Variants in CNTN5 observed in about 807,000 individuals in gnomAD.
CNTN5 encodes the protein contactin-5.
Under a neutral mutation model 129.1 loss-of-function variants are expected in CNTN5, and 77 were observed. The ratio of observed to expected loss-of-function variants is 0.60; its 90% CI spans 0.50 to 0.72. The LOEUF is 0.72. Among genes scored for constraint, CNTN5 ranks in the 30% least tolerant of loss-of-function variants. The pLI is 0.00. For synonymous variants in CNTN5, 509 were observed against 465.6 expected (o/e 1.09, Z -1.20); for missense variants, 1,478 against 1,328.8 (o/e 1.11, Z -1.75).
intron 1 of CNTN5, among the ~76,000 whole-genome samples, chr11:99,149,826 G>A (rs1403161951): frequency 6.6e-6 from 1 of 152,098 alleles, no homozygotes; most frequent in East Asian, 1.9e-4. Flanking sequence ...AAGTGAGGTT[G>A]TCTTTTACAT....
chr11:100,245,275 A>T (rs748235634), intron 16 of CNTN5, among the ~76,000 whole-genome samples: 2 of 152,170 alleles, frequency 1.3e-5, no homozygotes, highest in East Asian at 1.9e-4. Context: ...TCTTGTTCAC[A>T]TACAACAGGA....
chr11:99,259,142 C>A (rs778765398), intron 1 of CNTN5, among the ~76,000 whole-genome samples: 1 of 151,794 alleles, frequency 6.6e-6, no homozygotes, highest in Non-Finnish European at 1.5e-5. Context: ...TATATGTATG[C>A]ATAAGGTATC....
chr11:99,884,335 A>C (rs1948843813), intron 6 of CNTN5, among the ~76,000 whole-genome samples: 1 of 152,206 alleles, frequency 6.6e-6, no homozygotes, highest in African/African-American at 2.4e-5. Flanking sequence ...ACTATGTATG[A>C]AATGTTTGAA....
At chr11:99,552,750 G>A (rs754904820) in intron 2 of CNTN5, among the ~76,000 whole-genome samples, 38 of 152,016 alleles carry the variant, frequency 2.5e-4, no homozygotes, top group Non-Finnish European at 4.1e-4. Context: ...GATTGCATAC[G>A]GCCGTGGGCA....
intron 7 of CNTN5, among the ~76,000 whole-genome samples, chr11:99,944,034 T>C (rs1950502349): frequency 7.5e-6 from 1 of 133,320 alleles, no homozygotes; most frequent in Non-Finnish European, 1.6e-5. Context: ...TTTGGTTCCA[T>C]ATAAAATTTA....
intron 13 of CNTN5, among the ~76,000 whole-genome samples, chr11:100,188,842 T>C (rs953153471): frequency 6.6e-6 from 1 of 152,136 alleles, no homozygotes; most frequent in Non-Finnish European, 1.5e-5. Flanking sequence ...TGCCCATCAA[T>C]GGTGAATTAT....
chr11:99,487,274 G>A (rs1233188807), intron 2 of CNTN5, among the ~76,000 whole-genome samples: 1 of 152,178 alleles, frequency 6.6e-6, no homozygotes, highest in East Asian at 1.9e-4. Context: ...TGAACCTGAA[G>A]ACCATCAGAA....
intron 3 of CNTN5, among the ~76,000 whole-genome samples, chr11:99,749,879 C>A (rs909692200): frequency 6.6e-6 from 1 of 152,140 alleles, no homozygotes; most frequent in Non-Finnish European, 1.5e-5. Context: ...ATGCTTTGGC[C>A]ACGGGGATAT....
intron 3 of CNTN5, among the ~76,000 whole-genome samples, chr11:99,623,923 T>A (rs1246619429): frequency 1.3e-5 from 2 of 152,154 alleles, no homozygotes; most frequent in Non-Finnish European, 2.9e-5. Flanking sequence ...AAATACTGTT[T>A]AATGAAGATG....
At chr11:100,095,529 G>A (rs140008061) in intron 13 of CNTN5, among the ~76,000 whole-genome samples, 35 of 152,198 alleles carry the variant, frequency 2.3e-4, no homozygotes, top group African/African-American at 7.9e-4. Context: ...AAATACATGG[G>A]TAATGTGCGT....
intron 2 of CNTN5, among the ~76,000 whole-genome samples, chr11:99,523,057 C>A (rs1947327750): frequency 6.6e-6 from 1 of 152,130 alleles, no homozygotes. Context: ...CCAGCAATAC[C>A]AAGCCATAGG....
chr11:99,972,576 A>T (rs1045789447), intron 8 of CNTN5, among the ~76,000 whole-genome samples: 1 of 151,206 alleles, frequency 6.6e-6, no homozygotes, highest in Non-Finnish European at 1.5e-5. Context: ...TCCCAGAACC[A>T]CACCCAGCTA....
At chr11:99,792,161 A>T (rs1945767835) in intron 3 of CNTN5, among the ~76,000 whole-genome samples, 1 of 151,812 alleles carries the variant, frequency 6.6e-6, no homozygotes, top group Admixed American at 6.6e-5. Context: ...GAAAATGGTC[A>T]CTCTTTCCTC....
At chr11:99,461,168 T>A (rs1176140927) in intron 2 of CNTN5, among the ~76,000 whole-genome samples, 1 of 152,056 alleles carries the variant, frequency 6.6e-6, no homozygotes, top group Non-Finnish European at 1.5e-5. Context: ...ATGTAGATGA[T>A]ATATAGTAAC....
At chr11:99,831,565 C>G (rs951107562) in intron 4 of CNTN5, among the ~76,000 whole-genome samples, 1 of 152,028 alleles carries the variant, frequency 6.6e-6, no homozygotes, top group Non-Finnish European at 1.5e-5. Flanking sequence ...CACCAAGATT[C>G]AGAAAGCTAT....
intron 24 of CNTN5, among the ~76,000 whole-genome samples, chr11:100,354,728 G>T (rs1007439145): frequency 6.6e-6 from 1 of 151,594 alleles, no homozygotes; most frequent in Non-Finnish European, 1.5e-5. Flanking sequence ...TACACCTAAG[G>T]CATATGGTAT....
chr11:99,185,025 C>T (rs1858269800), intron 1 of CNTN5, among the ~76,000 whole-genome samples: 1 of 150,940 alleles, frequency 6.6e-6, no homozygotes. Flanking sequence ...AATACATACA[C>T]CTAAGAAAAT....
chr11:99,391,212 C>T (rs1486045795), intron 2 of CNTN5, among the ~76,000 whole-genome samples: 1 of 152,010 alleles, frequency 6.6e-6, no homozygotes, highest in Non-Finnish European at 1.5e-5. Flanking sequence ...TTTTAAAAGC[C>T]TTACTCTCAA....
chr11:99,890,623 C>A (rs187455548), intron 6 of CNTN5, among the ~76,000 whole-genome samples: 125 of 152,010 alleles, frequency 8.2e-4, no homozygotes, highest in African/African-American at 2.7e-3. Flanking sequence ...AGAGAATAGA[C>A]AAATTTCCCA....
Sources: gnomAD v4.1 joint callset for allele counts (sites outside exome capture counted in the v4.1 genomes callset) on GRCh38, gnomAD v4.1.1 for gene constraint, MANE v1.5 for transcripts, NCBI Gene and HGNC (gene_info 2026-07-23, HGNC 2026-07-21) for gene names.